The following HEPACAM2 variants were observed in gnomAD, a reference collection of about 807,000 sequenced individuals.
HEPACAM2 encodes mitotic kinetics regulator.
HEPACAM2 carries 49 observed loss-of-function variants against 49.6 expected under a neutral mutation model. The observed-to-expected ratio is 0.99, with a 90% CI of 0.78 to 1.25. The LOEUF (loss-of-function observed/expected upper bound fraction) is 1.25. Ranked by LOEUF, HEPACAM2 falls within the 50% of genes most tolerant of loss-of-function variation. HEPACAM2 has a pLI of 0.00. For synonymous variants in HEPACAM2, 197 were observed against 202.9 expected, an observed-to-expected ratio of 0.97 and a Z score of 0.25; for missense variants, 525 against 557.2, an observed-to-expected ratio of 0.94 and a Z score of 0.58.
chr7:93,214,718 A>G (rs1794259049), intron 3 of HEPACAM2, among the ~76,000 whole-genome samples: 1 of 152,164 alleles, frequency 6.6e-6, no homozygotes, highest in South Asian at 2.1e-4. Context: ...GTATCACAGC[A>G]TATTCTGTGA....
At chr7:93,217,467 T>C (rs1794331883) in intron 2 of HEPACAM2, among the ~76,000 whole-genome samples, 1 of 152,170 alleles carries the variant, frequency 6.6e-6, no homozygotes, top group African/African-American at 2.4e-5. Context: ...AAGGATTCTA[T>C]TAGGAGGGAG....
chr7:93,198,050 A>T (rs546898645), intron 4 of HEPACAM2, among the ~76,000 whole-genome samples: 2 of 152,228 alleles, frequency 1.3e-5, no homozygotes, highest in East Asian at 3.9e-4. Context: ...GCAAGAGGGG[A>T]GGTGTTCATT....
At chr7:93,224,097 A>G (rs1794498648) in intron 1 of HEPACAM2, among the ~76,000 whole-genome samples, 1 of 152,102 alleles carries the variant, frequency 6.6e-6, no homozygotes, top group African/African-American at 2.4e-5. Flanking sequence ...TTAGAAAATC[A>G]TCCTCTGCAT....
At chr7:93,194,487 T>G (rs1315661513) in intron 8 of HEPACAM2, among the ~76,000 whole-genome samples, 1 of 152,114 alleles carries the variant, frequency 6.6e-6, no homozygotes, top group African/African-American at 2.4e-5. Flanking sequence ...GGTGAGCCAA[T>G]CCTGCCTGAG....
At chr7:93,200,638 T>A (rs1196375642) in intron 4 of HEPACAM2, among the ~76,000 whole-genome samples, 1 of 152,130 alleles carries the variant, frequency 6.6e-6, no homozygotes, top group Non-Finnish European at 1.5e-5. Context: ...AAGGAATAAA[T>A]GTTTACAAAG....
intron 1 of HEPACAM2, chr7:93,225,951 T>C (rs765274886): frequency 1.5e-6 from 2 of 1,342,270 alleles, no homozygotes; most frequent in South Asian, 2.8e-5. Context: ...TGCAACAATA[T>C]CTTTAATTAA....
rs903263662 is a variant in HEPACAM2, at chr7:93,219,887, T to C, written c.80-436A>G. On this transcript the variant is annotated intron_variant, in intron 1 of 9. Coordinates refer to ENST00000394468, the MANE Select transcript of HEPACAM2 (RefSeq NM_001039372.4). The stretch of plus-strand genomic sequence containing the variant: ...CTCCCAACAGTTTCCCTTAAAGCTG[T>C]CTGAAATGACTGAATATTCCATTAT... Among the ~76,000 whole-genome samples, 8 of 152,342 alleles carry C rather than the reference T, an allele frequency of 5.3e-5. No individual in the cohort carries two copies. The East Asian group carries it at 5.8e-4, about 11-fold the overall frequency.
chr7:93,189,458 A>T (rs1323238809), intron 9 of HEPACAM2, among the ~76,000 whole-genome samples, 188 bp from the exon 10 acceptor site: 2 of 152,026 alleles, frequency 1.3e-5, no homozygotes, highest in African/African-American at 4.8e-5. Context: ...TTTTGTAGAT[A>T]ATTTACTTTC....
intron 1 of HEPACAM2, among the ~76,000 whole-genome samples, chr7:93,222,517 C>T (rs1458522375): frequency 1.3e-5 from 2 of 152,146 alleles, no homozygotes; most frequent in Middle Eastern, 3.4e-3. Context: ...GCAAATAGCT[C>T]TAAAATAATG....
In HEPACAM2 at chr7:93,195,829, C is replaced by G; in HGVS notation, c.1274G>C (p.Arg425Thr). 1 of 1,612,318 alleles carries G rather than the reference C, an allele frequency of 6.2e-7. No individual in the cohort carries two copies. ...VAFPDVSGVS[R>T]IPSRSVPASD... is the part of the protein sequence containing the mutation. ...TAATCAGCCACTAGGAAAACCAACC[C>G]TGGAAACACCAGAAACATCTGGAAA... is the stretch of plus-strand genomic sequence containing the variant. The change falls in exon 8 of 10, where the codon AGG becomes ACG. Residue 425 changes from arginine to threonine, a missense_variant and splice_region_variant. By Grantham distance (71) the Arg-to-Thr change is moderately conservative. Transcript: ENST00000394468.
At chr7:93,227,955 A>T (rs1794567791), upstream of HEPACAM2, among the ~76,000 whole-genome samples, 1 of 152,226 alleles carries the variant, frequency 6.6e-6, no homozygotes, top group Admixed American at 6.5e-5. Context: ...TACGATTCTC[A>T]GTTGATGCGT....
rs1325421052 is a variant in HEPACAM2 at position 93,189,162 on chromosome 7, GT to G, written c.*104del. On this transcript the variant is annotated 3_prime_UTR_variant, in exon 10 of 10. Coordinates refer to ENST00000394468, the MANE Select transcript of HEPACAM2 (RefSeq NM_001039372.4). ...AAGGAATAATGAGTAAGAGGTGTTG[GT>G]CTTGGTTTCTTCACTGATTCCAGAT... 6 of 960,334 alleles carry G rather than the reference GT, an allele frequency of 6.2e-6. No homozygotes were observed. The African/African-American group carries it at 9.8e-5, about 16-fold the overall frequency. 59.5% of individuals were successfully genotyped at this position (960,334 alleles called of 1,614,324 possible). A position where few individuals can be genotyped will look rare whatever the true frequency, so the allele number is the denominator to read the frequency against.
In HEPACAM2 at chr7:93,189,002, G is replaced by C; in HGVS notation, c.*265C>G. On this transcript the variant is annotated 3_prime_UTR_variant, in exon 10 of 10. Coordinates refer to ENST00000394468, the MANE Select transcript of HEPACAM2 (RefSeq NM_001039372.4). ...TTATGAGGAAACCCCTGTCACTTTC[G>C]TTCTCCCCGTCAGCATGAGAACGAC... 1 of 454,706 alleles carries C rather than the reference G, an allele frequency of 2.2e-6. No homozygotes were observed. Among genetic ancestry groups the C allele is most frequent in the Non-Finnish European group, 3.9e-6 (1 of 257,798 alleles). The allele number at this position is 454,706 out of a possible 1,614,324, so 28.2% of individuals were successfully genotyped here.
intron 4 of HEPACAM2, among the ~76,000 whole-genome samples, chr7:93,206,789 C>T (rs916098706): frequency 1.3e-5 from 2 of 152,042 alleles, no homozygotes; most frequent in African/African-American, 4.8e-5. Flanking sequence ...ACAATATATA[C>T]ATCCCAAAAT....
At chr7:93,215,363 C>A in intron 3 of HEPACAM2, 38 bp downstream of exon 3, 1 of 1,582,346 alleles carries the variant, frequency 6.3e-7, no homozygotes. Context: ...CAGAAAACAA[C>A]AAAAAACAAC....
intron 2 of HEPACAM2, among the ~76,000 whole-genome samples, chr7:93,216,486 A>C (rs539475011): frequency 6.6e-6 from 1 of 152,368 alleles, no homozygotes; most frequent in African/African-American, 2.4e-5. Flanking sequence ...TTGTCAAAGC[A>C]AATTTCCAAA....
At chr7:93,201,691 G>A (rs1793887138) in intron 4 of HEPACAM2, among the ~76,000 whole-genome samples, 1 of 151,986 alleles carries the variant, frequency 6.6e-6, no homozygotes, top group African/African-American at 2.4e-5. Flanking sequence ...CCCAAATGAA[G>A]CCCAAATCTA....
intron 3 of HEPACAM2, 78 bp from the exon 4 acceptor site, chr7:93,208,954 G>T: frequency 7.9e-7 from 1 of 1,267,106 alleles, no homozygotes; most frequent in Non-Finnish European, 1.1e-6. Flanking sequence ...GAGCTTAGTA[G>T]CATTTTACTG....
chr7:93,190,467 C>G (rs890211261), intron 9 of HEPACAM2, among the ~76,000 whole-genome samples: 1 of 151,710 alleles, frequency 6.6e-6, no homozygotes, highest in African/African-American at 2.4e-5. Flanking sequence ...GATGAACTGA[C>G]AAACACAAAA....
Sources: allele counts gnomAD v4.1 joint callset (sites outside exome capture counted in the v4.1 genomes callset), GRCh38; gene constraint gnomAD v4.1.1; transcripts MANE v1.5; gene names NCBI Gene and HGNC (gene_info 2026-07-23, HGNC 2026-07-21).